The following MAP7 variants were observed in gnomAD, a reference collection of about 807,000 sequenced individuals.
The protein encoded by MAP7 is microtubule associated protein 7, also known as ensconsin.
In MAP7, 52 loss-of-function variants were observed where a neutral mutation model predicts 94.8. That is an observed-to-expected ratio of 0.55 (90% CI 0.44 to 0.69). MAP7 has a LOEUF of 0.69. MAP7 is among the 30% of genes least tolerant of loss of function. The pLI is 0.00. For missense variants in MAP7, 940 were observed against 964.6 expected (o/e 0.97, Z 0.34); for synonymous variants, 350 against 357.0 (o/e 0.98, Z 0.22).
intron 8 of MAP7, 119 bp downstream of exon 8, chr6:136,372,382 A>C: frequency 8.8e-7 from 1 of 1,140,974 alleles, no homozygotes; most frequent in Non-Finnish European, 1.2e-6. Context: ...GAAAGATGGG[A>C]TGGTGGATGT....
intron 10 of MAP7, among the ~76,000 whole-genome samples, 176 bp from the exon 11 acceptor site, chr6:136,362,878 T>TA (rs1562314156): frequency 2.0e-5 from 3 of 152,076 alleles, no homozygotes; most frequent in African/African-American, 7.2e-5. Flanking sequence ...AAGCAACAGA[T>TA]AAAAAAAATC....
At chr6:136,521,400 C>T (rs529555684) in intron 1 of MAP7, among the ~76,000 whole-genome samples, 1 of 152,218 alleles carries the variant, frequency 6.6e-6, no homozygotes, top group South Asian at 2.1e-4. Context: ...GACCATGATC[C>T]ACCTAGAGAG....
intron 2 of MAP7, among the ~76,000 whole-genome samples, chr6:136,416,269 A>G (rs898167689): frequency 1.3e-5 from 2 of 152,246 alleles, no homozygotes; most frequent in Non-Finnish European, 2.9e-5. Context: ...ACCAATGGGG[A>G]AAACTAAGAA....
At chr6:136,541,495 C>G (rs532568657) in intron 1 of MAP7, among the ~76,000 whole-genome samples, 1 of 152,250 alleles carries the variant, frequency 6.6e-6, no homozygotes, top group South Asian at 2.1e-4. Flanking sequence ...TACCCCAAAT[C>G]TCAATACTCT....
At chr6:136,384,269 T>G (rs1365060428) in intron 5 of MAP7, among the ~76,000 whole-genome samples, 6 of 152,138 alleles carry the variant, frequency 3.9e-5, no homozygotes, top group Non-Finnish European at 8.8e-5. Context: ...TAAAGTTCAT[T>G]ATAGAAGAAG....
At chr6:136,424,127 G>T (rs1345682614) in intron 1 of MAP7, among the ~76,000 whole-genome samples, 1 of 151,834 alleles carries the variant, frequency 6.6e-6, no homozygotes, top group East Asian at 1.9e-4. Context: ...TAAACAAAGT[G>T]CAGGAGATTT....
chr6:136,526,277 G>GCGCGCACA (rs139706743), intron 1 of MAP7: 1 of 784,954 alleles, frequency 1.3e-6, no homozygotes, highest in African/African-American at 1.9e-5. Flanking sequence ...ACACGCGCGC[G>GCGCGCACA]CACACACACA....
chr6:136,392,348 G>C (rs1781018159), intron 3 of MAP7, among the ~76,000 whole-genome samples: 1 of 149,922 alleles, frequency 6.7e-6, no homozygotes, highest in Admixed American at 6.6e-5. Flanking sequence ...CGAAGTTCTG[G>C]GATTACAGGC....
intron 1 of MAP7, among the ~76,000 whole-genome samples, chr6:136,435,024 T>TG (rs1246538732): frequency 2.0e-5 from 3 of 152,226 alleles, no homozygotes; most frequent in Non-Finnish European, 4.4e-5. Context: ...ATGGGCCCTT[T>TG]GGGGGTCATG....
intron 1 of MAP7, among the ~76,000 whole-genome samples, chr6:136,496,238 C>T (rs1818175773): frequency 6.6e-6 from 1 of 152,178 alleles, no homozygotes; most frequent in Admixed American, 6.5e-5. Context: ...TTTAAGTTTC[C>T]TCTTAGTAGC....
At chr6:136,473,678 C>T (rs1339773491) in intron 1 of MAP7, among the ~76,000 whole-genome samples, 1 of 152,070 alleles carries the variant, frequency 6.6e-6, no homozygotes, top group Non-Finnish European at 1.5e-5. Context: ...AGCAAGGCTG[C>T]CTATAGAGTT....
At chr6:136,353,955 G>GTTT (rs1385898215) in intron 16 of MAP7, among the ~76,000 whole-genome samples, 1 of 151,958 alleles carries the variant, frequency 6.6e-6, no homozygotes, top group Non-Finnish European at 1.5e-5. Context: ...AGGGATAGAA[G>GTTT]GGTAACACTG....
At chr6:136,470,881 T>G (rs1808753238) in intron 1 of MAP7, among the ~76,000 whole-genome samples, 1 of 152,200 alleles carries the variant, frequency 6.6e-6, no homozygotes, top group Admixed American at 6.5e-5. Flanking sequence ...TTCTCATTAT[T>G]TACAAGAATT....
intron 1 of MAP7, among the ~76,000 whole-genome samples, chr6:136,549,632 C>G (rs1207043156): frequency 6.6e-6 from 1 of 152,156 alleles, no homozygotes; most frequent in Non-Finnish European, 1.5e-5. Context: ...GGCTGCAGAG[C>G]CAACAATCCT....
At chr6:136,437,691 T>C (rs765373348) in intron 1 of MAP7, among the ~76,000 whole-genome samples, 22 of 152,194 alleles carry the variant, frequency 1.4e-4, no homozygotes, top group Non-Finnish European at 2.9e-4. Flanking sequence ...TACATTTTAG[T>C]TTCTATTCAT....
chr6:136,496,964 AT>A (rs1455203025), intron 1 of MAP7, among the ~76,000 whole-genome samples: 9 of 151,786 alleles, frequency 5.9e-5, no homozygotes, highest in African/African-American at 9.7e-5. Context: ...AAAAAAAAAA[AT>A]AAATGAATAA....
chr6:136,480,884 T>G (rs1209566990), intron 1 of MAP7, among the ~76,000 whole-genome samples: 1 of 152,104 alleles, frequency 6.6e-6, no homozygotes, highest in Non-Finnish European at 1.5e-5. Flanking sequence ...GACAAGGGAA[T>G]AATAATGAAT....
chr6:136,409,733 T>C (rs115013956), intron 3 of MAP7, among the ~76,000 whole-genome samples: 3,056 of 152,330 alleles, frequency 0.02, 92 homozygotes, highest in African/African-American at 0.069. Context: ...TGCATTGCAC[T>C]GTGACATTAA....
At chr6:136,384,600 C>G (rs566023427) in intron 5 of MAP7, among the ~76,000 whole-genome samples, 3 of 152,114 alleles carry the variant, frequency 2.0e-5, no homozygotes, top group Admixed American at 6.5e-5. Context: ...CCTCCCACCT[C>G]AGCCTCCCAA....
Sources: allele counts gnomAD v4.1 joint callset (sites outside exome capture counted in the v4.1 genomes callset), GRCh38; gene constraint gnomAD v4.1.1; transcripts MANE v1.5; gene names NCBI Gene and HGNC (gene_info 2026-07-23, HGNC 2026-07-21).